Variants in KCNQ3 observed in about 807,000 individuals in gnomAD.
KCNQ3 encodes potassium voltage-gated channel subfamily Q member 3, also known as potassium voltage-gated channel subfamily KQT member 3.
KCNQ3 carries 30 observed loss-of-function variants against 92.5 expected under a neutral mutation model. The ratio of observed to expected loss-of-function variants is 0.32; its 90% CI spans 0.24 to 0.44. The LOEUF is 0.44. KCNQ3 is among the 20% of genes least tolerant of loss of function. KCNQ3 has a pLI of 1.00. For synonymous variants in KCNQ3, 450 were observed against 468.8 expected (o/e 0.96, Z 0.52); for missense variants, 913 against 1,140.3 (o/e 0.80, Z 2.87).
intron 1 of KCNQ3, among the ~76,000 whole-genome samples, chr8:132,369,808 G>C (rs1819424305): frequency 6.6e-6 from 1 of 152,160 alleles, no homozygotes; most frequent in Non-Finnish European, 1.5e-5. Context: ...TAAGCTCCTT[G>C]AGACAATGTG....
intron 4 of KCNQ3, 58 bp downstream of exon 4, chr8:132,180,099 G>T: frequency 6.3e-7 from 1 of 1,576,554 alleles, no homozygotes; most frequent in Non-Finnish European, 8.7e-7. Context: ...GGATGTCATG[G>T]AAGGGCATAG....
intron 1 of KCNQ3, among the ~76,000 whole-genome samples, chr8:132,200,910 A>G (rs1191848472): frequency 6.6e-6 from 1 of 152,188 alleles, no homozygotes; most frequent in Non-Finnish European, 1.5e-5. Context: ...CTATAACAGA[A>G]TATCACAGAC....
chr8:132,354,351 G>A (rs78552900), intron 1 of KCNQ3, among the ~76,000 whole-genome samples: 4,504 of 152,202 alleles, frequency 0.03, 238 homozygotes, highest in African/African-American at 0.1. Flanking sequence ...TGAGAACAAC[G>A]GCCAACGATA....
chr8:132,245,451 T>G (rs1408986645), intron 1 of KCNQ3, among the ~76,000 whole-genome samples: 1 of 152,188 alleles, frequency 6.6e-6, no homozygotes, highest in East Asian at 1.9e-4. Flanking sequence ...CTGAAGCCTA[T>G]CCATGCATCT....
chr8:132,426,278 G>A (rs914292289), intron 1 of KCNQ3, among the ~76,000 whole-genome samples: 1 of 152,238 alleles, frequency 6.6e-6, no homozygotes, highest in Admixed American at 6.5e-5. Flanking sequence ...CGCTCCCATG[G>A]ATAAGGCCCT....
At chr8:132,301,482 C>T (rs1173701603) in intron 1 of KCNQ3, among the ~76,000 whole-genome samples, 1 of 152,198 alleles carries the variant, frequency 6.6e-6, no homozygotes, top group Non-Finnish European at 1.5e-5. Flanking sequence ...TTACTGTGCA[C>T]TTTACTCTGA....
At chr8:132,131,495 G>A (rs1824876819) in intron 14 of KCNQ3, among the ~76,000 whole-genome samples, 1 of 152,098 alleles carries the variant, frequency 6.6e-6, no homozygotes, top group East Asian at 1.9e-4. Flanking sequence ...AGAAAAGGAG[G>A]ACACACAACA....
chr8:132,453,241 C>T (rs918997780), intron 1 of KCNQ3, among the ~76,000 whole-genome samples: 3 of 152,118 alleles, frequency 2.0e-5, no homozygotes, highest in African/African-American at 4.8e-5. Context: ...CTGTTGGCCT[C>T]GGTGAAGACG....
chr8:132,159,984 G>A (rs772199048), intron 9 of KCNQ3, among the ~76,000 whole-genome samples: 4 of 152,146 alleles, frequency 2.6e-5, no homozygotes, highest in African/African-American at 9.7e-5. Context: ...ATAATGCAGC[G>A]AATAAAACAG....
intron 1 of KCNQ3, among the ~76,000 whole-genome samples, chr8:132,412,482 G>A (rs55726911): frequency 0.12 from 18,697 of 152,270 alleles, 1,507 homozygotes; most frequent in Non-Finnish European, 0.18. Flanking sequence ...GATTCAGCCA[G>A]GACCTCAGGG....
chr8:132,368,618 A>C (rs960106898), intron 1 of KCNQ3, among the ~76,000 whole-genome samples: 3 of 152,094 alleles, frequency 2.0e-5, no homozygotes, highest in Non-Finnish European at 4.4e-5. Context: ...GTGCCACTGC[A>C]CTCCAGCCTG....
At chr8:132,432,740 C>T (rs893172099) in intron 1 of KCNQ3, among the ~76,000 whole-genome samples, 2 of 152,218 alleles carry the variant, frequency 1.3e-5, no homozygotes, top group African/African-American at 2.4e-5. Context: ...ACTCTGGACA[C>T]ACTGCACTTA....
chr8:132,366,131 C>A (rs1293392971), intron 1 of KCNQ3, among the ~76,000 whole-genome samples: 1 of 152,194 alleles, frequency 6.6e-6, no homozygotes, highest in African/African-American at 2.4e-5. Flanking sequence ...TAGTCTCTCC[C>A]ATTTATTTAG....
intron 9 of KCNQ3, among the ~76,000 whole-genome samples, chr8:132,158,314 T>C (rs1181763935): frequency 1.3e-5 from 2 of 152,214 alleles, no homozygotes; most frequent in Non-Finnish European, 2.9e-5. Context: ...TGGAAGGTGT[T>C]TGATTGCCAA....
intron 1 of KCNQ3, among the ~76,000 whole-genome samples, chr8:132,251,031 G>A (rs747105717): frequency 2.0e-5 from 3 of 152,132 alleles, no homozygotes; most frequent in Non-Finnish European, 4.4e-5. Flanking sequence ...GGTCGAGGTG[G>A]GCAGGCAGAT....
chr8:132,366,751 A>T (rs1819333000), intron 1 of KCNQ3, among the ~76,000 whole-genome samples: 1 of 152,184 alleles, frequency 6.6e-6, no homozygotes, highest in South Asian at 2.1e-4. Context: ...ATATCAATTT[A>T]CTGAGGTGAA....
intron 1 of KCNQ3, among the ~76,000 whole-genome samples, chr8:132,224,322 T>A (rs1814338053): frequency 6.6e-6 from 1 of 152,108 alleles, no homozygotes; most frequent in Non-Finnish European, 1.5e-5. Context: ...AGCCTGTAAT[T>A]AAAAATCTAA....
At chr8:132,354,964 G>A (rs1390072112) in intron 1 of KCNQ3, among the ~76,000 whole-genome samples, 1 of 152,154 alleles carries the variant, frequency 6.6e-6, no homozygotes, top group Non-Finnish European at 1.5e-5. Context: ...CCCTGGCATT[G>A]TCTCTGCGAC....
intron 3 of KCNQ3, among the ~76,000 whole-genome samples, chr8:132,181,595 C>T (rs1826778801): frequency 6.6e-6 from 1 of 152,142 alleles, no homozygotes; most frequent in East Asian, 1.9e-4. Context: ...AAATATTTGT[C>T]CACTGGGAAA....
Sources: allele counts gnomAD v4.1 joint callset (sites outside exome capture counted in the v4.1 genomes callset), GRCh38; gene constraint gnomAD v4.1.1; transcripts MANE v1.5; gene names NCBI Gene and HGNC (gene_info 2026-07-23, HGNC 2026-07-21).